Variants in SLC41A2 observed in about 807,000 individuals in gnomAD.
SLC41A2 encodes the protein SLC41A1-like 1.
SLC41A2 carries 32 observed loss-of-function variants against 58.3 expected under a neutral mutation model. That is an observed-to-expected ratio of 0.55 (90% CI 0.41 to 0.74). SLC41A2 has a LOEUF of 0.74. SLC41A2 is among the 30% of genes least tolerant of loss of function. The pLI, the probability that SLC41A2 is intolerant of heterozygous loss-of-function variation, is 0.00. For synonymous variants in SLC41A2, 190 were observed against 235.0 expected (o/e 0.81, Z 1.75); for missense variants, 514 against 680.6 (o/e 0.76, Z 2.72).
chr12:104,841,573 A>G (rs2042411560), intron 10 of SLC41A2, among the ~76,000 whole-genome samples: 1 of 152,124 alleles, frequency 6.6e-6, no homozygotes, highest in South Asian at 2.1e-4. Context: ...GAAAATGCTA[A>G]GATAATGGTA....
At chr12:104,956,704 A>AAAAAT (rs1306774294) in intron 1 of SLC41A2, among the ~76,000 whole-genome samples, 2 of 151,982 alleles carry the variant, frequency 1.3e-5, no homozygotes, top group African/African-American at 4.8e-5. Context: ...ATAAATAAAT[A>AAAAAT]AAAATAAAAA....
At chr12:104,896,308 G>T (rs1411594585) in intron 3 of SLC41A2, among the ~76,000 whole-genome samples, 1 of 152,156 alleles carries the variant, frequency 6.6e-6, no homozygotes, top group Non-Finnish European at 1.5e-5. Context: ...GTGGACTTTA[G>T]TCTCAAAGCA....
In SLC41A2 at chr12:104,952,509, C is replaced by T. The variant is rs977226527; in HGVS notation, c.-168+5579G>A. 4.6e-5 allele frequency among the ~76,000 whole-genome samples: 7 copies of T among 152,224 alleles called. 1 individual carries two copies. The highest frequency in any genetic ancestry group is 1.3e-4 in the Admixed American group (2 of 15,284). ...TCCGAGTTAAGAAAGACCAGGTACC[C>T]AAAGAGACCTTTTTCTAAAGATCTC... On this transcript the variant is annotated intron_variant, in intron 1 of 10. Transcript: ENST00000258538.
chr12:104,888,435 C>G (rs1333923998), intron 5 of SLC41A2, among the ~76,000 whole-genome samples: 2 of 152,078 alleles, frequency 1.3e-5, no homozygotes, highest in East Asian at 1.9e-4. Context: ...CCACAATAAG[C>G]TAATTCTCTA....
intron 10 of SLC41A2, among the ~76,000 whole-genome samples, chr12:104,836,787 G>T (rs988814329): frequency 5.9e-5 from 9 of 152,122 alleles, no homozygotes; most frequent in Non-Finnish European, 1.2e-4. Context: ...GTATTGCCTG[G>T]GTTTTCTGGC....
At chr12:104,881,597 G>T (rs1290359515) in intron 6 of SLC41A2, among the ~76,000 whole-genome samples, 2 of 152,172 alleles carry the variant, frequency 1.3e-5, no homozygotes, top group African/African-American at 4.8e-5. Flanking sequence ...TCAGGAGCAG[G>T]TTGTTCAGTT....
intron 10 of SLC41A2, among the ~76,000 whole-genome samples, chr12:104,834,845 C>A (rs896503451): frequency 6.6e-6 from 1 of 152,142 alleles, no homozygotes; most frequent in Admixed American, 6.5e-5. Context: ...AGCTAATTAA[C>A]TTGCTCAGCT....
chr12:104,835,754 G>T (rs1265956026), intron 10 of SLC41A2, among the ~76,000 whole-genome samples: 1 of 152,142 alleles, frequency 6.6e-6, no homozygotes. Context: ...GGAAGAAGTT[G>T]AAGATCTAAT....
chr12:104,942,587 T>TAGAAATTTAGAA (rs1438302979), intron 1 of SLC41A2, among the ~76,000 whole-genome samples: 1 of 152,204 alleles, frequency 6.6e-6, no homozygotes, highest in African/African-American at 2.4e-5. Flanking sequence ...CAGGAACGTT[T>TAGAAATTTAGAA]ATTTAGAAAT....
At chr12:104,947,786 C>G (rs1258898686) in intron 1 of SLC41A2, among the ~76,000 whole-genome samples, 1 of 151,940 alleles carries the variant, frequency 6.6e-6, no homozygotes, top group African/African-American at 2.4e-5. Flanking sequence ...GGAACTAGCC[C>G]TAATACTGTT....
chr12:104,890,329 C>T (rs1436203064), intron 4 of SLC41A2, among the ~76,000 whole-genome samples: 1 of 152,098 alleles, frequency 6.6e-6, no homozygotes, highest in Non-Finnish European at 1.5e-5. Flanking sequence ...AGATTCAAAC[C>T]AATAAGCACC....
chr12:104,887,472 A>G (rs1451590313), intron 5 of SLC41A2, among the ~76,000 whole-genome samples: 1 of 151,916 alleles, frequency 6.6e-6, no homozygotes, highest in African/African-American at 2.4e-5. Flanking sequence ...TGCATCAAAC[A>G]GTGCCTTATA....
At chr12:104,915,141 C>T (rs2046258060) in intron 2 of SLC41A2, among the ~76,000 whole-genome samples, 1 of 151,986 alleles carries the variant, frequency 6.6e-6, no homozygotes, top group South Asian at 2.1e-4. Flanking sequence ...GACTCAAAAC[C>T]TAAAAATCTG....
rs1023247898 is a variant in SLC41A2 at position 104,808,822 on chromosome 12, C to T, written c.1537-3485G>A. Reference sequence around the variant, plus strand: ...AGGGTGTATGTGTCAAGGAATTTATCCATTTCTTCTAGATTTTCTAGTTTA... The same window carrying T: ...AGGGTGTATGTGTCAAGGAATTTATTCATTTCTTCTAGATTTTCTAGTTTA... On this transcript the variant is annotated intron_variant, in intron 10 of 10. Coordinates refer to ENST00000258538, the MANE Select transcript of SLC41A2 (RefSeq NM_001352171.3). Among the ~76,000 whole-genome samples the T allele has an allele frequency of 6.7e-4, 102 of 152,258 alleles. 1 individual carries two copies. Among genetic ancestry groups the T allele is most frequent in the African/African-American group, 2.3e-3 (97 of 41,556 alleles).
At chr12:104,885,855 C>T (rs1454280868) in intron 6 of SLC41A2, among the ~76,000 whole-genome samples, 3 of 151,946 alleles carry the variant, frequency 2.0e-5, no homozygotes, top group Non-Finnish European at 4.4e-5. Context: ...AAAAACATTC[C>T]ATTGGTAAAT....
intron 4 of SLC41A2, among the ~76,000 whole-genome samples, chr12:104,892,461 C>A (rs555954159): frequency 2.6e-4 from 40 of 151,408 alleles, no homozygotes; most frequent in African/African-American, 9.0e-4. Flanking sequence ...CAATGTAATC[C>A]CTATCAAAAT....
chr12:104,953,344 T>C (rs147640243), intron 1 of SLC41A2, among the ~76,000 whole-genome samples: 82 of 152,356 alleles, frequency 5.4e-4, no homozygotes, highest in African/African-American at 1.9e-3. Context: ...GATGGCTGTT[T>C]ACTTCTCTCT....
At chr12:104,909,462 C>G (rs1434425847) in intron 3 of SLC41A2, among the ~76,000 whole-genome samples, 193 bp downstream of exon 3, 1 of 152,132 alleles carries the variant, frequency 6.6e-6, no homozygotes, top group South Asian at 2.1e-4. Flanking sequence ...GTAACTACTT[C>G]CTGGGATAAA....
At chr12:104,889,891 C>T (rs1206177364) in intron 4 of SLC41A2, among the ~76,000 whole-genome samples, 2 of 152,060 alleles carry the variant, frequency 1.3e-5, no homozygotes, top group Non-Finnish European at 2.9e-5. Context: ...ACAGTGCTGA[C>T]ACAAAGCAAG....
Sources: allele counts gnomAD v4.1 joint callset (sites outside exome capture counted in the v4.1 genomes callset), GRCh38; gene constraint gnomAD v4.1.1; transcripts MANE v1.5; gene names NCBI Gene and HGNC (gene_info 2026-07-23, HGNC 2026-07-21).